GNA14: variants seen among roughly 807,000 people sequenced by gnomAD.
GNA14 encodes the protein G protein subunit alpha 14.
In GNA14, 50 loss-of-function variants were observed where a neutral mutation model predicts 42.0. That is an observed-to-expected ratio of 1.19 (90% confidence interval 0.95 to 1.51). The LOEUF (loss-of-function observed/expected upper bound fraction) is 1.51, where lower values mean the gene tolerates loss of function less well. Ranked by LOEUF, GNA14 falls within the 40% of genes most tolerant of loss-of-function variation. GNA14 has a pLI of 0.00. For synonymous variants in GNA14, 173 were observed against 163.1 expected, an observed-to-expected ratio of 1.06 and a Z score of -0.46; for missense variants, 473 against 446.2, an observed-to-expected ratio of 1.06 and a Z score of -0.54.
At chr9:77,640,840 G>A (rs1199153979) in intron 1 of GNA14, among the ~76,000 whole-genome samples, 2 of 136,140 alleles carry the variant, frequency 1.5e-5, no homozygotes, top group East Asian at 4.2e-4. Flanking sequence ...ACGAGCCTGG[G>A]GCATGTTATG....
At position 77,514,160 on chromosome 9, in the gene GNA14, A is replaced by G. The variant is rs564647954; in HGVS notation, c.309+14909T>C. Among the ~76,000 whole-genome samples the G allele has an allele frequency of 2.0e-5, 3 of 152,314 alleles. No homozygotes were observed. In the South Asian group the frequency reaches 6.2e-4, roughly 32 times the overall value. ...CTTTTTGGTTATCTTGCAACTCAGA[A>G]GCAATATTTCCAATGGCCAAATATT... On this transcript the variant is annotated intron_variant, in intron 2 of 6. Transcript: ENST00000341700.
intron 1 of GNA14, among the ~76,000 whole-genome samples, chr9:77,610,552 A>G (rs1311806578): frequency 6.6e-6 from 1 of 152,130 alleles, no homozygotes; most frequent in Non-Finnish European, 1.5e-5. Context: ...TAAAGGCCCC[A>G]CTTCCAAATA....
At chr9:77,641,521 A>C (rs1824267557) in intron 1 of GNA14, among the ~76,000 whole-genome samples, 1 of 151,776 alleles carries the variant, frequency 6.6e-6, no homozygotes, top group Non-Finnish European at 1.5e-5. Context: ...CACAGTGGGG[A>C]TCGCTAATCG....
chr9:77,479,645 T>C (rs1836504585), intron 2 of GNA14, among the ~76,000 whole-genome samples: 1 of 152,190 alleles, frequency 6.6e-6, no homozygotes, highest in African/African-American at 2.4e-5. Context: ...TTGGGCAGTA[T>C]GGCCATTTTC....
intron 2 of GNA14, among the ~76,000 whole-genome samples, chr9:77,525,909 TAAAAA>T (rs202169762): frequency 2.1e-5 from 3 of 141,454 alleles, no homozygotes; most frequent in African/African-American, 7.8e-5. Flanking sequence ...GGACTTTTTT[TAAAAA>T]AAAAAAAAAA....
rs542639914 is a variant in GNA14 at position 77,633,377 on chromosome 9, G to A, written c.124+14293C>T. Among the ~76,000 whole-genome samples the A allele has an allele frequency of 5.9e-5, 9 of 152,234 alleles. No individual in the cohort carries two copies. The South Asian group carries it at 6.2e-4, about 11-fold the overall frequency. ...GGCCTAAGAAGGATGAGTCTGGCCC[G>A]TTGAAGATTCTAAAATATGGTTCTG... On this transcript the variant is annotated intron_variant, in intron 1 of 6. Coordinates refer to ENST00000341700, the MANE Select transcript of GNA14 (RefSeq NM_004297.4).
At chr9:77,586,884 T>G (rs1040557700) in intron 1 of GNA14, among the ~76,000 whole-genome samples, 1 of 151,974 alleles carries the variant, frequency 6.6e-6, no homozygotes, top group African/African-American at 2.4e-5. Flanking sequence ...GTCCCCCAGG[T>G]AGCACTTTCC....
intron 3 of GNA14, 81 bp downstream of exon 3, chr9:77,434,287 C>G: frequency 7.7e-7 from 1 of 1,304,482 alleles, no homozygotes. Flanking sequence ...ATTTCAGCAG[C>G]GTTCAGCGAG....
At chr9:77,441,759 T>A (rs1225040860) in intron 2 of GNA14, among the ~76,000 whole-genome samples, 2 of 152,188 alleles carry the variant, frequency 1.3e-5, no homozygotes, top group Non-Finnish European at 2.9e-5. Flanking sequence ...TATTTCCAAC[T>A]TCTGTAAAAT....
chr9:77,455,293 C>A lies in GNA14; in HGVS notation c.310-20771G>T, dbSNP rs141146539. ...TGGCAGTATCCTTCTTCAAGGCTAG[C>A]AGAGACTCTCCTTGAACTCTAGATC... On this transcript the variant is annotated intron_variant, in intron 2 of 6. Transcript: ENST00000341700. Among the ~76,000 whole-genome samples the A allele has an allele frequency of 5.3e-5, 8 of 152,360 alleles. No homozygotes were observed. The East Asian group carries it at 1.5e-3, about 29-fold the overall frequency.
Position 77,467,231 on chromosome 9 carries a change from G to C in GNA14, c.310-32709C>G, listed in dbSNP as rs183290266. Among the ~76,000 whole-genome samples the C allele has an allele frequency of 5.7e-3, 874 of 152,026 alleles. 5 individuals are homozygous for C. The highest frequency in any genetic ancestry group is 8.7e-3 in the Non-Finnish European group (594 of 67,990). ...TTTTTTAAAGTCCGGATTCCTAGGA[G>C]TCACCTCTGGGTCAGAGTAGCTTGC... On this transcript the variant is annotated intron_variant, in intron 2 of 6. Coordinates refer to ENST00000341700, the MANE Select transcript of GNA14 (RefSeq NM_004297.4).
chr9:77,477,183 CCT>C (rs1181192410), intron 2 of GNA14, among the ~76,000 whole-genome samples: 2 of 152,034 alleles, frequency 1.3e-5, no homozygotes, highest in African/African-American at 2.4e-5. Flanking sequence ...ATGGCGAAAC[CCT>C]GTCTCTACTA....
intron 1 of GNA14, among the ~76,000 whole-genome samples, chr9:77,618,177 GGCT>G (rs1823853540): frequency 6.6e-6 from 1 of 152,010 alleles, no homozygotes; most frequent in Admixed American, 6.6e-5. Flanking sequence ...ACTAAAGCAT[GGCT>G]GCTTTCTGAA....
chr9:77,529,202 T>C lies in GNA14; in HGVS notation c.176A>G (p.His59Arg). The change falls in exon 2 of 7, where the codon CAT becomes CGT. Residue 59 changes from histidine to arginine, a missense_variant. Physicochemically the swap from His to Arg is conservative, Grantham distance 29. Coordinates refer to ENST00000341700, the MANE Select transcript of GNA14 (RefSeq NM_004297.4). ...GTCTTCGTCGCTGTAACCAGACCCA[T>C]GGATAATTCTCATCTGCTTGATAAA... ...STFIKQMRIIHGSGYSDEDRK... is the reference protein window; with the variant it reads ...STFIKQMRIIRGSGYSDEDRK... 9 of 1,614,000 alleles carry C rather than the reference T, an allele frequency of 5.6e-6. No individual in the cohort carries two copies. Among genetic ancestry groups the C allele is most frequent in the Non-Finnish European group, 6.8e-6 (8 of 1,179,910 alleles).
intron 5 of GNA14, among the ~76,000 whole-genome samples, chr9:77,427,886 T>C (rs551229010): frequency 2.8e-4 from 42 of 152,236 alleles, no homozygotes; most frequent in African/African-American, 9.4e-4. Flanking sequence ...CCACTAGGGA[T>C]CTAATTTGGG....
rs536516371 is a variant in GNA14 at position 77,555,745 on chromosome 9, G to A, written c.125-26492C>T. ...GATGTCCACTGCACCATTAGTAACC[G>A]TGAATAACTGGGTGTTGCCCAAATG... On this transcript the variant is annotated intron_variant, in intron 1 of 6. Transcript: ENST00000341700. 9.8e-5 allele frequency among the ~76,000 whole-genome samples: 15 copies of A among 152,294 alleles called. No homozygotes were observed. In the South Asian group the frequency reaches 1.9e-3, roughly 19 times the overall value.
At chr9:77,425,192 G>C (rs1232150170) in intron 6 of GNA14, among the ~76,000 whole-genome samples, 1 of 152,154 alleles carries the variant, frequency 6.6e-6, no homozygotes, top group Non-Finnish European at 1.5e-5. Flanking sequence ...GTGGCCAAGA[G>C]AGCAAGCAGG....
chr9:77,561,026 T>C (rs1822875207), intron 1 of GNA14, among the ~76,000 whole-genome samples: 1 of 152,214 alleles, frequency 6.6e-6, no homozygotes, highest in Non-Finnish European at 1.5e-5. Flanking sequence ...TTGGCCATAA[T>C]CATAATTCTC....
Position 77,643,525 on chromosome 9 carries a change from C to T in GNA14, c.124+4145G>A, listed in dbSNP as rs187707909. On this transcript the variant is annotated intron_variant, in intron 1 of 6. Transcript: ENST00000341700. Reference sequence around the variant, plus strand: ...AAGTGCTGCGATTACATGGGTGAGCCACCGCACCCAATCGGTGTTGTCACT... The same window carrying T: ...AAGTGCTGCGATTACATGGGTGAGCTACCGCACCCAATCGGTGTTGTCACT... Among the ~76,000 whole-genome samples, 639 of 152,314 alleles carry T rather than the reference C, an allele frequency of 4.2e-3. 1 individual carries two copies. The highest frequency in any genetic ancestry group is 6.6e-3 in the Non-Finnish European group (450 of 68,030).
Sources: gnomAD v4.1 joint callset for allele counts (sites outside exome capture counted in the v4.1 genomes callset) on GRCh38, gnomAD v4.1.1 for gene constraint, MANE v1.5 for transcripts, NCBI Gene and HGNC (gene_info 2026-07-23, HGNC 2026-07-21) for gene names.